GNL3L: variants seen among roughly 807,000 people sequenced by gnomAD.
GNL3L encodes the protein G protein nucleolar 3 like, also known as guanine nucleotide-binding protein-like 3-like protein.
In GNL3L, 4 loss-of-function variants were observed where a neutral mutation model predicts 42.9. That is an observed-to-expected ratio of 0.09 (90% confidence interval 0.05 to 0.21). The LOEUF (loss-of-function observed/expected upper bound fraction) is 0.21, where lower values mean the gene tolerates loss of function less well. GNL3L is among the 10% of genes least tolerant of loss of function. The pLI, the probability that GNL3L is intolerant of heterozygous loss-of-function variation, is 1.00. For synonymous variants in GNL3L, 159 were observed against 176.3 expected (o/e 0.90, Z 0.78); for missense variants, 412 against 481.7 (o/e 0.86, Z 1.36).
intron 5 of GNL3L, 43 bp from the exon 6 acceptor site, chrX:54,542,911 TC>T (rs1569542016): frequency 1.2e-6 from 1 of 823,444 alleles, no homozygotes; most frequent in East Asian, 3.2e-5. Flanking sequence ...TCTCGCTCTC[TC>T]CCCCTCCTCC....
chrX:54,617,528 G>A (rs768447247), intron 16 of GNL3L, among the ~76,000 whole-genome samples: 6 of 111,640 alleles, frequency 5.4e-5, no homozygotes, highest in Non-Finnish European at 7.5e-5. Flanking sequence ...TTTTCCCCCC[G>A]CTAGAAACTT....
At chrX:54,575,620 G>A (rs1288336461) in intron 16 of GNL3L, among the ~76,000 whole-genome samples, 1 of 112,152 alleles carries the variant, frequency 8.9e-6, no homozygotes, top group Non-Finnish European at 1.9e-5. Flanking sequence ...TGTAGTCCCA[G>A]CTACTCAGGA....
In GNL3L at chrX:54,604,107, C is replaced by G. The variant is rs189727382; in HGVS notation, c.*46-16738C>G. ...TGAGCTGTGATTGTATCACTGCACC[C>G]CAGCCTGGGTGACAGAGTAAGACCA... is the stretch of plus-strand genomic sequence containing the variant. On this transcript the variant is annotated intron_variant, in intron 16 of 16. Transcript: ENST00000674498. 3.5e-3 allele frequency among the ~76,000 whole-genome samples: 384 copies of G among 110,822 alleles called. 2 individuals carry two copies. Among genetic ancestry groups the G allele is most frequent in the African/African-American group, 0.012 (356 of 30,422 alleles).
chrX:54,597,493 G>C (rs1039784641), intron 16 of GNL3L, among the ~76,000 whole-genome samples: 2 of 111,056 alleles, frequency 1.8e-5, no homozygotes, highest in South Asian at 7.7e-4. Flanking sequence ...GCTGCAAGCT[G>C]TGCAGCCTGG....
At chrX:54,588,807 TAAAAA>T (rs1181698952) in intron 16 of GNL3L, among the ~76,000 whole-genome samples, 1 of 111,187 alleles carries the variant, frequency 9.0e-6, no homozygotes, top group Non-Finnish European at 1.9e-5. Context: ...AAATAAAAAA[TAAAAA>T]AAAGTGGAAC....
At chrX:54,625,083 T>TG (rs1047000097), downstream of GNL3L, among the ~76,000 whole-genome samples, 1 of 110,841 alleles carries the variant, frequency 9.0e-6, no homozygotes, top group African/African-American at 3.3e-5. Flanking sequence ...ATATGCATTT[T>TG]GGGGGGACAA....
At chrX:54,547,960 G>A (rs1924820285) in intron 8 of GNL3L, among the ~76,000 whole-genome samples, 1 of 111,729 alleles carries the variant, frequency 9.0e-6, no homozygotes, top group Non-Finnish European at 1.9e-5. Context: ...CTCAAACCTG[G>A]CCTATTTAGA....
chrX:54,584,222 A>G (rs1925753007), intron 16 of GNL3L, among the ~76,000 whole-genome samples: 2 of 108,985 alleles, frequency 1.8e-5, no homozygotes, highest in Non-Finnish European at 3.8e-5. Context: ...TTATTAGACA[A>G]GGTTTCACCA....
chrX:54,596,394 C>G (rs776458051), intron 16 of GNL3L, among the ~76,000 whole-genome samples: 121 of 111,960 alleles, frequency 1.1e-3, no homozygotes, highest in Non-Finnish European at 2.0e-3. Flanking sequence ...GTTCTCTTCC[C>G]TTACTTTCTC....
chrX:54,587,307 G>A (rs1160702734), intron 16 of GNL3L, among the ~76,000 whole-genome samples: 1 of 112,345 alleles, frequency 8.9e-6, no homozygotes. Flanking sequence ...TTCTTTGTTG[G>A]TTTTTCTCTC....
At chrX:54,622,273 ATTTTTTTTT>A (rs773487259), downstream of GNL3L, among the ~76,000 whole-genome samples, 25 of 59,002 alleles carry the variant, frequency 4.2e-4, no homozygotes, top group African/African-American at 1.7e-3. Flanking sequence ...AGTTGCAGGA[ATTTTTTTTT>A]TTTTTTTTTT....
chrX:54,563,789 G>GA lies in GNL3L; in HGVS notation c.*3196dup, dbSNP rs983425176. On this transcript the variant is annotated 3_prime_UTR_variant, in exon 16 of 16. Transcript: ENST00000360845. ...CAACAGAGTGAGACTGTCTCAGGGGGAAAAAAAAAGAGGAAAACAAAAAAG... is the reference window on the plus strand; with the variant it reads ...CAACAGAGTGAGACTGTCTCAGGGGGAAAAAAAAAAGAGGAAAACAAAAAAG... Among the ~76,000 whole-genome samples the GA allele has an allele frequency of 1.9e-5, 2 of 107,733 alleles. No homozygotes were observed. Among genetic ancestry groups the GA allele is most frequent in the African/African-American group, 3.4e-5 (1 of 29,433 alleles). 93.6% of individuals were successfully genotyped at this position (107,733 alleles called of 115,157 possible). A position where few individuals can be genotyped will look rare whatever the true frequency, so the allele number is the denominator to read the frequency against.
chrX:54,593,826 A>T (rs1925898310), intron 16 of GNL3L, among the ~76,000 whole-genome samples: 1 of 111,506 alleles, frequency 9.0e-6, no homozygotes, highest in Admixed American at 9.6e-5. Context: ...CAAGAAATTC[A>T]TCAATTTTCT....
chrX:54,629,390 G>T, the GNL3L span, among the ~76,000 whole-genome samples: 1 of 111,429 alleles, frequency 9.0e-6, no homozygotes, highest in Non-Finnish European at 1.9e-5. Context: ...GTGTAATGTG[G>T]GCTGTGGGTT....
At chrX:54,550,204 C>A (rs899236389) in intron 9 of GNL3L, among the ~76,000 whole-genome samples, 1 of 84,792 alleles carries the variant, frequency 1.2e-5, no homozygotes, top group African/African-American at 5.0e-5. Flanking sequence ...ATGGGAATGA[C>A]CGAGAGAGAG....
Position 54,563,768 on chromosome X carries a change from AG to A in GNL3L, c.*3167del, listed in dbSNP as rs1158467588. ...GCCACTGCTCTCCAGCGTGGGCAAC[AG>A]AGTGAGACTGTCTCAGGGGGAAAAA... On this transcript the variant is annotated 3_prime_UTR_variant, in exon 16 of 16. Coordinates refer to ENST00000360845, the MANE Select transcript of GNL3L (RefSeq NM_001184819.2). Among the ~76,000 whole-genome samples, 2 of 108,122 alleles carry A rather than the reference AG, an allele frequency of 1.8e-5. No homozygotes were observed. The highest frequency in any genetic ancestry group is 3.8e-5 in the Non-Finnish European group (2 of 52,924). The allele number at this position is 108,122 out of a possible 115,157, so 93.9% of individuals were successfully genotyped here. A position where few individuals can be genotyped will look rare whatever the true frequency, so the allele number is the denominator to read the frequency against.
intron 16 of GNL3L, among the ~76,000 whole-genome samples, chrX:54,600,204 T>C (rs1925985639): frequency 1.2e-5 from 1 of 86,060 alleles, no homozygotes; most frequent in Admixed American, 1.3e-4. Context: ...TCCAATCTGC[T>C]GCTTTTTTTT....
chrX:54,548,629 C>T (rs1043720348), intron 9 of GNL3L, among the ~76,000 whole-genome samples: 5 of 110,837 alleles, frequency 4.5e-5, no homozygotes, highest in African/African-American at 1.3e-4. Context: ...ATGGGGTGAC[C>T]GTCTACCTTT....
rs1924206212 is a variant in GNL3L at position 54,530,315 on chromosome X, CTT to C, written c.-151_-150del. 1 of 110,767 alleles carries C rather than the reference CTT, an allele frequency of 9.0e-6. No homozygotes were observed. The highest frequency in any genetic ancestry group is 3.3e-5 in the African/African-American group (1 of 30,683). 9.1% of individuals were successfully genotyped at this position (110,767 alleles called of 1,213,427 possible). A position where few individuals can be genotyped will look rare whatever the true frequency, so the allele number is the denominator to read the frequency against. ...CCCCGCCGGAAGTGTAAGTAAGAAA[CTT>C]CTCTCCTCTTTTCTCACAATGTGCG... is the stretch of plus-strand genomic sequence containing the variant. On this transcript the variant is annotated 5_prime_UTR_variant, in exon 1 of 16. Transcript: ENST00000360845.
Sources: allele counts gnomAD v4.1 joint callset (sites outside exome capture counted in the v4.1 genomes callset), GRCh38; gene constraint gnomAD v4.1.1; transcripts MANE v1.5; gene names NCBI Gene and HGNC (gene_info 2026-07-23, HGNC 2026-07-21).